Variants in MAPKAPK5 observed in about 807,000 individuals in gnomAD.
The protein encoded by MAPKAPK5 is MAP kinase-activated protein kinase 5.
In MAPKAPK5, 30 loss-of-function variants were observed where a neutral mutation model predicts 65.1. That is an observed-to-expected ratio of 0.46 (90% CI 0.34 to 0.63). MAPKAPK5 has a LOEUF of 0.63. Among genes scored for constraint, MAPKAPK5 ranks in the 20% least tolerant of loss-of-function variants. The pLI is 0.01. For missense variants in MAPKAPK5, 433 were observed against 581.4 expected (o/e 0.74, Z 2.63); for synonymous variants, 179 against 204.6 (o/e 0.87, Z 1.07).
In MAPKAPK5 at chr12:111,888,521, G is replaced by C; in HGVS notation, c.1003G>C (p.Glu335Gln). ...TGCAGGAATCCAGCAGGCTCACGCG[G>C]AACAGTTGGCCAACATGAGAATCCA... ...VVAGIQQAHAEQLANMRIQDL... is the reference protein window; with the variant it reads ...VVAGIQQAHAQQLANMRIQDL... Residue 335 changes from glutamate (E) to glutamine (Q), a missense_variant, in exon 11 of 14, where the codon GAA becomes CAA. By Grantham distance (29) the Glu-to-Gln change is conservative. This residue lies in a region of MAPKAPK5 where 169 missense variants were observed against 215.6 expected (regional missense o/e 0.78). Coordinates refer to ENST00000550735, the MANE Select transcript of MAPKAPK5 (RefSeq NM_003668.4). 1.9e-6 allele frequency: 3 copies of C among 1,613,972 alleles called. No homozygotes were observed. Among genetic ancestry groups the C allele is most frequent in the Middle Eastern group, 1.6e-4 (1 of 6,062 alleles).
In MAPKAPK5 at chr12:111,900,445, A is replaced by G. The variant is rs759686477; in HGVS notation, c.*7384A>G. 7 of 455,976 alleles carry G rather than the reference A, an allele frequency of 1.5e-5. No homozygotes were observed. Among genetic ancestry groups the G allele is most frequent in the South Asian group, 7.7e-5 (5 of 64,560 alleles). The allele number at this position is 455,976 out of a possible 1,614,324, so 28.2% of individuals were successfully genotyped here. A position where few individuals can be genotyped will look rare whatever the true frequency, so the allele number is the denominator to read the frequency against. On this transcript the variant is annotated 3_prime_UTR_variant, in exon 14 of 14. Coordinates refer to ENST00000550735, the MANE Select transcript of MAPKAPK5 (RefSeq NM_003668.4). ...AAGCACTTTTGCCTCATGCATGAAA[A>G]TATCACAAAAGAAAGTGGCTTCAGC...
intron 7 of MAPKAPK5, among the ~76,000 whole-genome samples, chr12:111,874,607 C>G (rs551387860): frequency 6.8e-6 from 1 of 147,220 alleles, no homozygotes; most frequent in Admixed American, 6.9e-5. Context: ...GGATGACAGG[C>G]GCCCGCCACC....
At chr12:111,886,158 A>ATGTT in intron 10 of MAPKAPK5, 122 bp downstream of exon 10, 4 of 1,380,012 alleles carry the variant, frequency 2.9e-6, no homozygotes, top group East Asian at 2.3e-5. Context: ...CCAGAGAAAC[A>ATGTT]TCTCTGGTTT....
At chr12:111,856,454 T>C (rs906093749) in intron 1 of MAPKAPK5, among the ~76,000 whole-genome samples, 2 of 150,166 alleles carry the variant, frequency 1.3e-5, no homozygotes, top group African/African-American at 4.9e-5. Context: ...CTACCCAGGC[T>C]GGTGTGCAGT....
chr12:111,901,199 CAA>C lies in MAPKAPK5; in HGVS notation c.*8140_*8141del, dbSNP rs1566299947. ...ACAATGGCACTTACTGTGCACCAAACAAAGTCTGCCTGAATTCCGCCTGCACA... is the reference window on the plus strand; with the variant it reads ...ACAATGGCACTTACTGTGCACCAAACAGTCTGCCTGAATTCCGCCTGCACA... On this transcript the variant is annotated 3_prime_UTR_variant, in exon 14 of 14. Transcript: ENST00000550735. The C allele has an allele frequency of 2.2e-6, 1 of 455,896 alleles. No homozygotes were observed. Among genetic ancestry groups the C allele is most frequent in the South Asian group, 1.5e-5 (1 of 64,558 alleles). 28.2% of individuals were successfully genotyped at this position (455,896 alleles called of 1,614,324 possible). A position where few individuals can be genotyped will look rare whatever the true frequency, so the allele number is the denominator to read the frequency against.
In MAPKAPK5 at chr12:111,894,138, G is replaced by A. The variant is rs915708179; in HGVS notation, c.*1077G>A. On this transcript the variant is annotated 3_prime_UTR_variant, in exon 14 of 14. Transcript: ENST00000550735. ...GCTCACTGCAACCTCTGTCTCCCAG[G>A]TTCAAGTGATTCTCCTGCCTCAGCC... The A allele has an allele frequency of 1.2e-4, 18 of 152,276 alleles. No homozygotes were observed. The highest frequency in any genetic ancestry group is 4.1e-4 in the African/African-American group (17 of 41,250). 9.4% of individuals were successfully genotyped at this position (152,276 alleles called of 1,614,324 possible). A position where few individuals can be genotyped will look rare whatever the true frequency, so the allele number is the denominator to read the frequency against.
intron 11 of MAPKAPK5, 33 bp downstream of exon 11, chr12:111,888,651 T>A: frequency 3.1e-6 from 5 of 1,612,170 alleles, no homozygotes; most frequent in Non-Finnish European, 4.2e-6. Flanking sequence ...TTCTTCTTCA[T>A]GGCTGGAATG....
At chr12:111,856,201 C>T (rs2136083895) in intron 1 of MAPKAPK5, among the ~76,000 whole-genome samples, 1 of 152,134 alleles carries the variant, frequency 6.6e-6, no homozygotes, top group Non-Finnish European at 1.5e-5. Flanking sequence ...ACTTTCCCTT[C>T]TGTTCATTTC....
intron 9 of MAPKAPK5, chr12:111,885,661 A>G: frequency 2.3e-6 from 1 of 436,176 alleles, no homozygotes; most frequent in East Asian, 3.7e-5. Flanking sequence ...AAACCCTAGA[A>G]CTCAAAAGTA....
rs182383377 is a variant in MAPKAPK5 at position 111,886,157 on chromosome 12, C to T, written c.969+121C>T. 4.3e-3 allele frequency: 6,014 copies of T among 1,383,976 alleles called. 420 individuals are homozygous for T. In the Admixed American group the frequency reaches 0.12, roughly 27 times the overall value. 85.7% of individuals were successfully genotyped at this position (1,383,976 alleles called of 1,614,324 possible). A position where few individuals can be genotyped will look rare whatever the true frequency, so the allele number is the denominator to read the frequency against. On this transcript the variant is annotated intron_variant, in intron 10 of 13. Coordinates refer to ENST00000550735, the MANE Select transcript of MAPKAPK5 (RefSeq NM_003668.4). ...GAGTACACGATCCTTCCCAGAGAAACATCTCTGGTTTCCTGAGAGTCAGGA... is the reference window on the plus strand; with the variant it reads ...GAGTACACGATCCTTCCCAGAGAAATATCTCTGGTTTCCTGAGAGTCAGGA...
At chr12:111,870,199 A>C in intron 5 of MAPKAPK5, 72 bp from the exon 6 acceptor site, 1 of 989,188 alleles carries the variant, frequency 1.0e-6, no homozygotes, top group African/African-American at 1.6e-5. Flanking sequence ...TGACATCCTG[A>C]GTTCTCTACG....
At chr12:111,876,105 G>T (rs929821598) in intron 7 of MAPKAPK5, among the ~76,000 whole-genome samples, 1 of 151,284 alleles carries the variant, frequency 6.6e-6, no homozygotes, top group African/African-American at 2.4e-5. Flanking sequence ...TTCTCGGGAG[G>T]CTGAGGCAGG....
intron 1 of MAPKAPK5, among the ~76,000 whole-genome samples, chr12:111,861,460 C>T (rs944044201): frequency 1.3e-5 from 2 of 152,034 alleles, no homozygotes; most frequent in Admixed American, 1.3e-4. Flanking sequence ...TCCCAAGTAG[C>T]TGGGATTACA....
In MAPKAPK5 at chr12:111,871,020, C is replaced by G. The variant is rs1318117865; in HGVS notation, c.484-65C>G. 7.2e-6 allele frequency: 9 copies of G among 1,241,808 alleles called. No individual in the cohort carries two copies. In the African/African-American group the frequency reaches 7.5e-5, roughly 10 times the overall value. 76.9% of individuals were successfully genotyped at this position (1,241,808 alleles called of 1,614,324 possible). ...GATCTCAGGGTAACATGTCTTACAC[C>G]TGGATTTTCCTTTAATGTTTACTGA... On this transcript the variant is annotated intron_variant, in intron 6 of 13. Transcript: ENST00000550735.
chr12:111,846,433 G>A (rs1034332416), intron 1 of MAPKAPK5, among the ~76,000 whole-genome samples: 1 of 151,904 alleles, frequency 6.6e-6, no homozygotes, highest in East Asian at 1.9e-4. Context: ...AGTTACATAT[G>A]GTCAACTGCA....
In MAPKAPK5 at chr12:111,901,489, T is replaced by A; in HGVS notation, c.*8428T>A. On this transcript the variant is annotated 3_prime_UTR_variant, in exon 14 of 14. Transcript: ENST00000550735. ...ATGATGATATTATCATTCATTATAC[T>A]TTTTATAATATTATTATTAAGTACA... is the stretch of plus-strand genomic sequence containing the variant. 1 of 433,238 alleles carries A rather than the reference T, an allele frequency of 2.3e-6. No homozygotes were observed. Among genetic ancestry groups the A allele is most frequent in the Non-Finnish European group, 4.6e-6 (1 of 218,612 alleles). The allele number at this position is 433,238 out of a possible 1,614,324, so 26.8% of individuals were successfully genotyped here. A position where few individuals can be genotyped will look rare whatever the true frequency, so the allele number is the denominator to read the frequency against.
At chr12:111,874,682 C>T (rs1278259667) in intron 7 of MAPKAPK5, among the ~76,000 whole-genome samples, 2 of 149,742 alleles carry the variant, frequency 1.3e-5, no homozygotes, top group East Asian at 2.0e-4. Flanking sequence ...AGGCTGGTCT[C>T]GAACTCCTGA....
chr12:111,863,222 C>T (rs1228200320), intron 1 of MAPKAPK5, among the ~76,000 whole-genome samples: 1 of 152,186 alleles, frequency 6.6e-6, no homozygotes, highest in African/African-American at 2.4e-5. Flanking sequence ...TCCTGACGCA[C>T]AGTTTTTCAG....
chr12:111,870,001 T>C (rs114623904), intron 5 of MAPKAPK5, among the ~76,000 whole-genome samples: 31 of 152,326 alleles, frequency 2.0e-4, no homozygotes, highest in African/African-American at 7.2e-4. Context: ...TCCCATTTCT[T>C]ACAGGATTTA....
Sources: allele counts gnomAD v4.1 joint callset (sites outside exome capture counted in the v4.1 genomes callset), GRCh38; gene constraint gnomAD v4.1.1; regional missense constraint gnomAD v4.1.1; transcripts MANE v1.5; gene names NCBI Gene and HGNC (gene_info 2026-07-23, HGNC 2026-07-21).